Variants in CRTC3 observed in about 807,000 individuals in gnomAD.
CRTC3 encodes CREB-regulated transcription coactivator 3.
In CRTC3, 26 loss-of-function variants were observed where a neutral mutation model predicts 74.5. The ratio of observed to expected loss-of-function variants is 0.35; its 90% CI spans 0.26 to 0.48. The LOEUF (loss-of-function observed/expected upper bound fraction) is 0.48. Ranked by LOEUF, CRTC3 falls within the 20% of genes least tolerant of loss-of-function variation. The pLI is 0.99. For synonymous variants in CRTC3, 377 were observed against 325.8 expected (o/e 1.16, Z -1.69); for missense variants, 760 against 787.3 (o/e 0.97, Z 0.41).
At chr15:90,583,169 G>A (rs1310169234) in intron 2 of CRTC3, among the ~76,000 whole-genome samples, 1 of 152,018 alleles carries the variant, frequency 6.6e-6, no homozygotes, top group Non-Finnish European at 1.5e-5. Flanking sequence ...AAATTATTTT[G>A]CCTGGCCCTC....
At chr15:90,597,178 G>A (rs985405221) in intron 3 of CRTC3, among the ~76,000 whole-genome samples, 1 of 152,230 alleles carries the variant, frequency 6.6e-6, no homozygotes, top group East Asian at 1.9e-4. Context: ...GCCTGGGCTC[G>A]GGCACTTGGA....
At chr15:90,561,318 G>A (rs1967006646) in intron 2 of CRTC3, among the ~76,000 whole-genome samples, 1 of 152,132 alleles carries the variant, frequency 6.6e-6, no homozygotes, top group Non-Finnish European at 1.5e-5. Context: ...ATCCTACCTA[G>A]GCCTAGAGAA....
At chr15:90,625,218 G>A (rs968078149) in intron 9 of CRTC3, among the ~76,000 whole-genome samples, 1 of 149,448 alleles carries the variant, frequency 6.7e-6, no homozygotes, top group Non-Finnish European at 1.5e-5. Flanking sequence ...TGACCCCGGC[G>A]GACACACTCG....
chr15:90,603,254 T>C lies in CRTC3; in HGVS notation c.413+869T>C, dbSNP rs542480869. On this transcript the variant is annotated intron_variant, in intron 4 of 14. Coordinates refer to ENST00000268184, the MANE Select transcript of CRTC3 (RefSeq NM_022769.5). The stretch of plus-strand genomic sequence containing the variant: ...CTCAGGAGATCGAGACCATCCTCGC[T>C]AACACGGTGAAACCCCGTCTCCACT... 2.7e-5 allele frequency among the ~76,000 whole-genome samples: 4 copies of C among 149,624 alleles called. No individual in the cohort carries two copies. In the East Asian group the frequency reaches 8.2e-4, roughly 31 times the overall value.
In CRTC3 at chr15:90,541,782, C is replaced by CTTTTTTTTTTTTTTTTTTT. The variant is rs11426969; in HGVS notation, c.231+1652_231+1653insTTTTTTTTTTTTTTTTTTT. 1.7e-5 allele frequency among the ~76,000 whole-genome samples: 2 copies of CTTTTTTTTTTTTTTTTTTT among 120,100 alleles called. 1 individual carries two copies. Among genetic ancestry groups the CTTTTTTTTTTTTTTTTTTT allele is most frequent in the African/African-American group, 6.5e-5 (2 of 30,998 alleles). The allele number at this position is 120,100 out of a possible 152,430, so 78.8% of individuals were successfully genotyped here. On this transcript the variant is annotated intron_variant, in intron 2 of 14. Transcript: ENST00000268184. ...GATAATCCTTGGCCTTCCCAGGATT[C>CTTTTTTTTTTTTTTTTTTT]TTTTTTTCTTTTTTTTTTTTTGAGA... is the stretch of plus-strand genomic sequence containing the variant.
chr15:90,541,845 G>GT (rs1966808596), intron 2 of CRTC3, among the ~76,000 whole-genome samples: 1 of 135,900 alleles, frequency 7.4e-6, no homozygotes, highest in South Asian at 2.3e-4. Flanking sequence ...GAGTGCAGTA[G>GT]TGCAATCTCA....
intron 3 of CRTC3, among the ~76,000 whole-genome samples, chr15:90,597,607 G>A (rs1596111327): frequency 6.6e-6 from 1 of 152,156 alleles, no homozygotes; most frequent in Non-Finnish European, 1.5e-5. Flanking sequence ...ACCTCTTGGA[G>A]CCTGACCGTA....
chr15:90,556,717 A>G (rs1002601046), intron 2 of CRTC3, among the ~76,000 whole-genome samples: 6 of 152,124 alleles, frequency 3.9e-5, no homozygotes, highest in African/African-American at 4.8e-5. Context: ...CCATTAATTT[A>G]TGGTATACAA....
chr15:90,611,594 G>A (rs1968357247), intron 6 of CRTC3, among the ~76,000 whole-genome samples: 1 of 152,024 alleles, frequency 6.6e-6, no homozygotes, highest in African/African-American at 2.4e-5. Context: ...CCATCCTTCT[G>A]GTCACCGCAG....
chr15:90,645,051 T>A lies in CRTC3; in HGVS notation c.*2911T>A, dbSNP rs1462522398. ...CATTTCTCCTCCGCCTGCTGTATAT[T>A]ACCTGAGCTGGTGTTGTATCTTCAA... On this transcript the variant is annotated 3_prime_UTR_variant, in exon 15 of 15. Coordinates refer to ENST00000268184, the MANE Select transcript of CRTC3 (RefSeq NM_022769.5). 4.3e-6 allele frequency: 1 copy of A among 231,370 alleles called. No homozygotes were observed. Among genetic ancestry groups the A allele is most frequent in the Non-Finnish European group, 8.6e-6 (1 of 116,944 alleles). The allele number at this position is 231,370 out of a possible 1,614,324, so 14.3% of individuals were successfully genotyped here.
intron 2 of CRTC3, among the ~76,000 whole-genome samples, chr15:90,592,787 T>A (rs16944610): frequency 0.01 from 1,566 of 152,256 alleles, 24 homozygotes; most frequent in African/African-American, 0.036. Flanking sequence ...AGAGAGTGGG[T>A]GTCCCATCTA....
At chr15:90,601,535 C>T (rs909941972) in intron 3 of CRTC3, among the ~76,000 whole-genome samples, 1 of 152,036 alleles carries the variant, frequency 6.6e-6, no homozygotes, top group Non-Finnish European at 1.5e-5. Context: ...TGCCTGTAAT[C>T]CCAGCTACTC....
chr15:90,617,983 C>T lies in CRTC3; in HGVS notation c.699+15C>T. ...AGACCAAGGAGGTGGGTGAACAGTA[C>T]TCAGCTATGTTTGTTGTCACTGAAT... On this transcript the variant is annotated intron_variant, in intron 8 of 14. Coordinates refer to ENST00000268184, the MANE Select transcript of CRTC3 (RefSeq NM_022769.5). The T allele has an allele frequency of 6.5e-7, 1 of 1,540,088 alleles. No homozygotes were observed. The highest frequency in any genetic ancestry group is 1.1e-5 in the South Asian group (1 of 89,606).
intron 8 of CRTC3, 47 bp downstream of exon 8, chr15:90,618,015 A>G: frequency 7.9e-7 from 1 of 1,266,228 alleles, no homozygotes. Flanking sequence ...GAATGTTTGT[A>G]CTTAGAGGTC....
chr15:90,610,422 G>A (rs1241616006), intron 6 of CRTC3, among the ~76,000 whole-genome samples: 1 of 152,086 alleles, frequency 6.6e-6, no homozygotes, highest in Non-Finnish European at 1.5e-5. Context: ...ATCTGCTCAC[G>A]GCTTAACTAC....
chr15:90,618,081 T>G, intron 8 of CRTC3, 113 bp downstream of exon 8: 1 of 667,708 alleles, frequency 1.5e-6, no homozygotes, highest in Non-Finnish European at 2.7e-6. Flanking sequence ...AGGAGAAGAT[T>G]TGTCTGAGAA....
At position 90,643,154 on chromosome 15, in the gene CRTC3, A is replaced by C. The variant is rs1969510683; in HGVS notation, c.*1014A>C. 4.3e-6 allele frequency: 1 copy of C among 232,130 alleles called. No homozygotes were observed. The highest frequency in any genetic ancestry group is 8.5e-6 in the Non-Finnish European group (1 of 117,436). 14.4% of individuals were successfully genotyped at this position (232,130 alleles called of 1,614,324 possible). On this transcript the variant is annotated 3_prime_UTR_variant, in exon 15 of 15. Coordinates refer to ENST00000268184, the MANE Select transcript of CRTC3 (RefSeq NM_022769.5). ...ATCATTGTTGAACCCGTAGCACCTAACACGTGCGTGGCAGCACAGTCGTGT... is the reference window on the plus strand; with the variant it reads ...ATCATTGTTGAACCCGTAGCACCTACCACGTGCGTGGCAGCACAGTCGTGT...
At position 90,604,365 on chromosome 15, in the gene CRTC3, T is replaced by A. The variant is rs371655193; in HGVS notation, c.414-20T>A. ...TGTGGATTGACTTCTTTTCCTTTTA[T>A]GTTGTTCTGGTTTTTAAAGGCAGCA... is the stretch of plus-strand genomic sequence containing the variant. On this transcript the variant is annotated intron_variant, in intron 4 of 14. Transcript: ENST00000268184. The A allele has an allele frequency of 1.0e-4, 168 of 1,609,138 alleles. No homozygotes were observed. Among genetic ancestry groups the A allele is most frequent in the African/African-American group, 8.0e-4 (60 of 74,810 alleles).
At chr15:90,569,538 C>CA in intron 2 of CRTC3, among the ~76,000 whole-genome samples, 1 of 18,790 alleles carries the variant, frequency 5.3e-5, no homozygotes, top group African/African-American at 9.0e-5. Context: ...AGGCTGGTCT[C>CA]AAACTCCTGA....
Sources: gnomAD v4.1 joint callset for allele counts (sites outside exome capture counted in the v4.1 genomes callset) on GRCh38, gnomAD v4.1.1 for gene constraint, MANE v1.5 for transcripts, NCBI Gene and HGNC (gene_info 2026-07-23, HGNC 2026-07-21) for gene names.